The following EML6 variants were observed in gnomAD, a reference collection of about 807,000 sequenced individuals.
EML6 encodes the protein EMAP like 6, also known as echinoderm microtubule-associated protein-like 6.
A neutral mutation model predicts 240.1 loss-of-function variants in EML6; 154 were observed. The observed-to-expected ratio is 0.64, with a 90% CI of 0.56 to 0.73. The LOEUF (loss-of-function observed/expected upper bound fraction) is 0.73, where lower values mean the gene tolerates loss of function less well. Among genes scored for constraint, EML6 ranks in the 30% least tolerant of loss-of-function variants. The pLI is 0.00. For missense variants in EML6, 2,964 were observed against 2,474.6 expected, an observed-to-expected ratio of 1.20 and a Z score of -4.20; for synonymous variants, 1,148 against 899.0, an observed-to-expected ratio of 1.28 and a Z score of -4.95.
intron 29 of EML6, among the ~76,000 whole-genome samples, chr2:54,949,510 G>C (rs1015842657): frequency 6.6e-5 from 10 of 152,168 alleles, no homozygotes; most frequent in African/African-American, 2.2e-4. Flanking sequence ...GCCAGTAAGT[G>C]GAAAGGGATT....
intron 4 of EML6, 68 bp downstream of exon 4, chr2:54,816,953 G>C (rs889695116): frequency 6.6e-6 from 6 of 912,476 alleles, no homozygotes; most frequent in Non-Finnish European, 1.1e-5. Context: ...TCGCGTCTCA[G>C]ACTTCTAATG....
intron 7 of EML6, among the ~76,000 whole-genome samples, chr2:54,833,825 C>T (rs1218857379): frequency 6.6e-6 from 1 of 152,174 alleles, no homozygotes; most frequent in Non-Finnish European, 1.5e-5. Flanking sequence ...CACCCAGGAT[C>T]CTTCATCTGC....
chr2:54,878,704 T>C (rs1257317147), intron 16 of EML6, among the ~76,000 whole-genome samples: 1 of 152,158 alleles, frequency 6.6e-6, no homozygotes, highest in Admixed American at 6.6e-5. Context: ...AACTAGACAA[T>C]AAGCAGTTAT....
chr2:54,954,414 G>A (rs546358036), intron 32 of EML6, among the ~76,000 whole-genome samples: 8 of 152,130 alleles, frequency 5.3e-5, no homozygotes, highest in East Asian at 1.9e-4. Flanking sequence ...GAGGTTCCCC[G>A]ATGTTGGCAG....
chr2:54,859,395 G>C (rs776565557), intron 11 of EML6, 139 bp from the exon 12 acceptor site: 172 of 667,572 alleles, frequency 2.6e-4, no homozygotes, highest in Non-Finnish European at 4.0e-4. Context: ...TTGGTTATTT[G>C]TTACAATATG....
Position 54,967,061 on chromosome 2 carries a change from A to G in EML6, c.5555A>G (p.Glu1852Gly). 6.4e-7 allele frequency: 1 copy of G among 1,551,526 alleles called. No homozygotes were observed. The highest frequency in any genetic ancestry group is 8.7e-7 in the Non-Finnish European group (1 of 1,146,882). ...GTCCCCCTGGGGAAGCAGGTAACTG[A>G]AGCCGTGGTCATTGAGAAGATCACC... Reference protein sequence around the residue: ...HEVPLGKQVTEAVVIEKITWA... With the variant: ...HEVPLGKQVTGAVVIEKITWA... The change falls in exon 39 of 42, where the codon GAA becomes GGA. Residue 1852 changes from glutamate (E) to glycine (G), a missense_variant. Physicochemically the swap from Glu to Gly is moderately conservative, Grantham distance 98. Coordinates refer to ENST00000356458, the MANE Select transcript of EML6 (RefSeq NM_001039753.4).
chr2:54,843,354 C>T (rs769097636), intron 7 of EML6, among the ~76,000 whole-genome samples: 7 of 151,944 alleles, frequency 4.6e-5, no homozygotes, highest in Non-Finnish European at 5.9e-5. Context: ...CTTTGAGCCC[C>T]GGAAGTCGAG....
intron 21 of EML6, among the ~76,000 whole-genome samples, chr2:54,897,245 A>G (rs957679835): frequency 4.6e-5 from 7 of 152,186 alleles, no homozygotes; most frequent in African/African-American, 1.7e-4. Flanking sequence ...CACTTGAGGT[A>G]GTTTGGTTTA....
At chr2:54,878,082 A>C (rs1671603254) in intron 16 of EML6, among the ~76,000 whole-genome samples, 1 of 152,250 alleles carries the variant, frequency 6.6e-6, no homozygotes, top group Non-Finnish European at 1.5e-5. Flanking sequence ...AGTGTATTCC[A>C]TGCAAAATAA....
chr2:54,913,970 G>A (rs1026009856), intron 25 of EML6, among the ~76,000 whole-genome samples: 1 of 152,134 alleles, frequency 6.6e-6, no homozygotes, highest in African/African-American at 2.4e-5. Context: ...CTGGCTACAG[G>A]TGTGCAGCTT....
intron 28 of EML6, among the ~76,000 whole-genome samples, chr2:54,944,343 T>A (rs1409832654): frequency 6.6e-6 from 1 of 152,174 alleles, no homozygotes; most frequent in Admixed American, 6.5e-5. Flanking sequence ...GGAAAACTGG[T>A]ATTGCCCTTG....
Position 54,863,897 on chromosome 2 carries a change from A to C in EML6, c.1932+8A>C. ...ATCAATTATGATCGCCAGGTCGGTA[A>C]GCAGGGAGCAATGAAAATTTGTAAC... On this transcript the variant is annotated splice_region_variant and intron_variant, in intron 13 of 41. Transcript: ENST00000356458. 6.7e-7 allele frequency: 1 copy of C among 1,482,598 alleles called. No homozygotes were observed. The highest frequency in any genetic ancestry group is 9.2e-7 in the Non-Finnish European group (1 of 1,090,388). 91.8% of individuals were successfully genotyped at this position (1,482,598 alleles called of 1,614,324 possible).
intron 2 of EML6, among the ~76,000 whole-genome samples, chr2:54,740,692 C>G (rs1442772971): frequency 6.7e-6 from 1 of 149,082 alleles, no homozygotes. Context: ...TGACTTCTAT[C>G]TCTAGCAGAC....
intron 2 of EML6, among the ~76,000 whole-genome samples, chr2:54,758,746 A>G (rs890856392): frequency 6.6e-6 from 1 of 152,198 alleles, no homozygotes; most frequent in African/African-American, 2.4e-5. Context: ...TAAATATTTT[A>G]TAAAAGAATA....
rs564736691 is a variant in EML6 at position 54,940,950 on chromosome 2, A to C, written c.4005-7932A>C. On this transcript the variant is annotated intron_variant, in intron 28 of 41. Transcript: ENST00000356458. ...CAAGGTGCTTTGTCAGCAGGTTTAC[A>C]ATGAAACAAAGAACATGCTCATAAG... 2.0e-5 allele frequency among the ~76,000 whole-genome samples: 3 copies of C among 152,224 alleles called. No individual in the cohort carries two copies. In the South Asian group the frequency reaches 6.2e-4, roughly 32 times the overall value.
chr2:54,877,266 G>C (rs1671557267), intron 16 of EML6, among the ~76,000 whole-genome samples: 2 of 151,986 alleles, frequency 1.3e-5, no homozygotes, highest in Admixed American at 1.3e-4. Context: ...TTACAGATGT[G>C]GGCCACTGCA....
rs1446436093 is a variant in EML6, at chr2:54,903,038, C to G, written c.3125-6C>G. 6.5e-7 allele frequency: 1 copy of G among 1,548,880 alleles called. No individual in the cohort carries two copies. The highest frequency in any genetic ancestry group is 2.4e-5 in the East Asian group (1 of 40,914). On this transcript the variant is annotated splice_region_variant and splice_polypyrimidine_tract_variant and intron_variant, in intron 22 of 41. Coordinates refer to ENST00000356458, the MANE Select transcript of EML6 (RefSeq NM_001039753.4). ...TAATAAGTGTTTTTTGTGGATTCTT[C>G]TGTAGGTGGAAGATGCTGTGCCTTT... is the stretch of plus-strand genomic sequence containing the variant.
chr2:54,816,892 ACT>A lies in EML6; in HGVS notation c.456+8_456+9del, dbSNP rs780413903. 1.9e-6 allele frequency: 3 copies of A among 1,541,128 alleles called. No individual in the cohort carries two copies. The South Asian group carries it at 3.6e-5, about 18-fold the overall frequency. ...CACCGGCCATTCTGACAGGGTAAGA[ACT>A]TGTTGGATCAAGCTATGCAGATTTC... is the stretch of plus-strand genomic sequence containing the variant. On this transcript the variant is annotated splice_region_variant and intron_variant, in intron 4 of 41. Transcript: ENST00000356458.
intron 34 of EML6, 135 bp downstream of exon 34, chr2:54,959,396 T>A (rs1382636573): frequency 1.2e-6 from 1 of 833,534 alleles, no homozygotes; most frequent in East Asian, 2.8e-5. Context: ...ATCAGTCTGC[T>A]CTCTCTCCAA....
Sources: allele counts gnomAD v4.1 joint callset (sites outside exome capture counted in the v4.1 genomes callset), GRCh38; gene constraint gnomAD v4.1.1; transcripts MANE v1.5; gene names NCBI Gene and HGNC (gene_info 2026-07-23, HGNC 2026-07-21).